AFAP1: variants seen among roughly 807,000 people sequenced by gnomAD.
The protein encoded by AFAP1 is actin filament-associated protein 1.
In AFAP1, 75 loss-of-function variants were observed where a neutral mutation model predicts 93.9. That is an observed-to-expected ratio of 0.80 (90% CI 0.66 to 0.97). The LOEUF (loss-of-function observed/expected upper bound fraction) is 0.97. AFAP1 is among the 50% of genes least tolerant of loss of function. The pLI, the probability that AFAP1 is intolerant of heterozygous loss-of-function variation, is 0.00. For synonymous variants in AFAP1, 517 were observed against 430.7 expected (o/e 1.20, Z -2.48); for missense variants, 1,201 against 1,050.8 (o/e 1.14, Z -1.98).
chr4:7,769,467 C>T lies in AFAP1; in HGVS notation c.2254-459G>A, dbSNP rs778292211. On this transcript the variant is annotated intron_variant, in intron 16 of 17. Transcript: ENST00000420658. ...GCTAACGGGATGCAGCCCCACTGCG[C>T]GGGGCTCGCTGGAGAAAAGCAGGCT... is the stretch of plus-strand genomic sequence containing the variant. 5.9e-5 allele frequency among the ~76,000 whole-genome samples: 9 copies of T among 152,208 alleles called. No homozygotes were observed. In the East Asian group the frequency reaches 7.7e-4, roughly 13 times the overall value.
In AFAP1 at chr4:7,778,425, C is replaced by T. The variant is rs116436993; in HGVS notation, c.1897+337G>A. On this transcript the variant is annotated intron_variant, in intron 14 of 17. Transcript: ENST00000420658. ...TAGAGTCTGCAAGGCTTGACAACCA[C>T]AGATCAGGGACAGGAGCTGAGGTCT... is the stretch of plus-strand genomic sequence containing the variant. 708 of 395,892 alleles carry T rather than the reference C, an allele frequency of 1.8e-3. 5 individuals carry two copies. The highest frequency in any genetic ancestry group is 0.014 in the African/African-American group (655 of 48,502). 24.5% of individuals were successfully genotyped at this position (395,892 alleles called of 1,614,324 possible). A position where few individuals can be genotyped will look rare whatever the true frequency, so the allele number is the denominator to read the frequency against.
At chr4:7,926,558 G>A (rs192575861) in intron 1 of AFAP1, among the ~76,000 whole-genome samples, 20 of 152,288 alleles carry the variant, frequency 1.3e-4, no homozygotes, top group Non-Finnish European at 1.3e-4. Context: ...CCAAGGAGGA[G>A]AGAAGCAAAT....
At position 7,773,208 on chromosome 4, in the gene AFAP1, C is replaced by T. The variant is rs1026257216; in HGVS notation, c.2063-198G>A. On this transcript the variant is annotated intron_variant, in intron 15 of 17. Coordinates refer to ENST00000420658, the MANE Select transcript of AFAP1 (RefSeq NM_001134647.2). Reference sequence around the variant, plus strand: ...CTTCTCCTACCATTTCCCTTTGCTGCAGCCGTTGAGGACTCGGACCAGGAA... The same window carrying T: ...CTTCTCCTACCATTTCCCTTTGCTGTAGCCGTTGAGGACTCGGACCAGGAA... The T allele has an allele frequency of 5.9e-6, 5 of 850,944 alleles. No homozygotes were observed. In the African/African-American group the frequency reaches 8.6e-5, roughly 15 times the overall value. 52.7% of individuals were successfully genotyped at this position (850,944 alleles called of 1,614,324 possible).
At chr4:7,775,193 G>C (rs1715974369) in intron 14 of AFAP1, 14 of 312,996 alleles carry the variant, frequency 4.5e-5, no homozygotes, top group African/African-American at 2.6e-4. Context: ...AAAGCCTGTT[G>C]AATCAGCCAA....
chr4:7,902,199 T>A (rs1719154885), intron 1 of AFAP1, among the ~76,000 whole-genome samples: 1 of 152,230 alleles, frequency 6.6e-6, no homozygotes, highest in East Asian at 1.9e-4. Context: ...CAGATAATAA[T>A]CAGTTCTCAG....
intron 9 of AFAP1, among the ~76,000 whole-genome samples, chr4:7,804,956 A>C (rs913029921): frequency 6.6e-6 from 1 of 151,614 alleles, no homozygotes; most frequent in Non-Finnish European, 1.5e-5. Context: ...CCTCCTTCCC[A>C]CTCTTCGCAG....
At chr4:7,782,978 C>T (rs1297890213) in intron 12 of AFAP1, among the ~76,000 whole-genome samples, 2 of 152,142 alleles carry the variant, frequency 1.3e-5, no homozygotes, top group African/African-American at 4.8e-5. Context: ...GATTAAGTCA[C>T]ACGGAAGACT....
intron 10 of AFAP1, among the ~76,000 whole-genome samples, chr4:7,799,854 T>G (rs4689866): frequency 2.1e-4 from 32 of 152,104 alleles, no homozygotes; most frequent in African/African-American, 6.0e-4. Flanking sequence ...GAAATTCTAG[T>G]GAAGCAGCCA....
chr4:7,812,138 C>T lies in AFAP1; in HGVS notation c.905-2375G>A, dbSNP rs542370621. Among the ~76,000 whole-genome samples the T allele has an allele frequency of 2.0e-5, 3 of 152,296 alleles. No homozygotes were observed. In the East Asian group the frequency reaches 5.8e-4, roughly 29 times the overall value. ...GAGGGACAGCAACAGCGGACGGCCC[C>T]TCCCAGCTGTTTCTGAAGACCCAGA... On this transcript the variant is annotated intron_variant, in intron 8 of 17. Coordinates refer to ENST00000420658, the MANE Select transcript of AFAP1 (RefSeq NM_001134647.2).
At chr4:7,877,530 A>T (rs1166611786) in intron 1 of AFAP1, among the ~76,000 whole-genome samples, 1 of 152,176 alleles carries the variant, frequency 6.6e-6, no homozygotes, top group East Asian at 1.9e-4. Flanking sequence ...ACGTACTGTT[A>T]TTATCCCCGT....
intron 1 of AFAP1, among the ~76,000 whole-genome samples, chr4:7,938,255 T>C (rs976125845): frequency 1.3e-5 from 2 of 152,128 alleles, no homozygotes; most frequent in Admixed American, 6.5e-5. Flanking sequence ...CTGCGGTAAT[T>C]AGCTCAGTTT....
At chr4:7,935,212 G>C (rs1459518404) in intron 1 of AFAP1, among the ~76,000 whole-genome samples, 2 of 151,954 alleles carry the variant, frequency 1.3e-5, no homozygotes, top group Non-Finnish European at 2.9e-5. Flanking sequence ...TTACATTCAT[G>C]ATTTCATTTG....
intron 1 of AFAP1, among the ~76,000 whole-genome samples, chr4:7,890,426 C>CA (rs1718396843): frequency 6.6e-6 from 1 of 152,028 alleles, no homozygotes; most frequent in Non-Finnish European, 1.5e-5. Flanking sequence ...TAAGACGTCT[C>CA]AATGAAAACA....
rs556274565 is a variant in AFAP1 at position 7,770,534 on chromosome 4, G to A, written c.2254-1526C>T. 2.0e-3 allele frequency among the ~76,000 whole-genome samples: 310 copies of A among 152,306 alleles called. 2 individuals are homozygous for A. The highest frequency in any genetic ancestry group is 1.3e-3 in the Non-Finnish European group (89 of 68,008). ...TCACCCTGGAAGGAAAGGCAAGAAC[G>A]CAGGGCAAGGGGACAGTCACCAGGG... On this transcript the variant is annotated intron_variant, in intron 16 of 17. Transcript: ENST00000420658.
chr4:7,939,554 G>C lies in AFAP1; in HGVS notation c.-3+102C>G, dbSNP rs1218648189. 1.1e-5 allele frequency: 4 copies of C among 372,740 alleles called. No individual in the cohort carries two copies. Among genetic ancestry groups the C allele is most frequent in the South Asian group, 5.5e-5 (3 of 54,338 alleles). 23.1% of individuals were successfully genotyped at this position (372,740 alleles called of 1,614,324 possible). On this transcript the variant is annotated intron_variant, in intron 1 of 17. Transcript: ENST00000420658. The surrounding 1 kb of genome is among the most constrained non-coding windows in gnomAD (Gnocchi z 5.6). Reference sequence around the variant, plus strand: ...CCCGAGGCCGAGACAAAGCCCAGGCGCACGGACCCCGGACCCTGCGGAGCC... The same window carrying C: ...CCCGAGGCCGAGACAAAGCCCAGGCCCACGGACCCCGGACCCTGCGGAGCC...
chr4:7,920,328 C>T (rs1174027087), intron 1 of AFAP1, among the ~76,000 whole-genome samples: 1 of 152,138 alleles, frequency 6.6e-6, no homozygotes, highest in Non-Finnish European at 1.5e-5. Context: ...TTTATATACA[C>T]ACACAATTCA....
chr4:7,899,675 G>A (rs778643773), intron 1 of AFAP1, among the ~76,000 whole-genome samples: 2 of 152,150 alleles, frequency 1.3e-5, no homozygotes, highest in Non-Finnish European at 2.9e-5. Flanking sequence ...TGTTAATTGT[G>A]AAGGTGGCTC....
In AFAP1 at chr4:7,846,541, C is replaced by T. The variant is rs191559186; in HGVS notation, c.335-3191G>A. Among the ~76,000 whole-genome samples, 75 of 152,222 alleles carry T rather than the reference C, an allele frequency of 4.9e-4. 1 individual carries two copies. The East Asian group carries it at 0.011, about 23-fold the overall frequency. ...GGAGGACCACACAGCCCTCAGGGCT[C>T]GGCCCACTTGCTGGAACATCAAGTT... is the stretch of plus-strand genomic sequence containing the variant. On this transcript the variant is annotated intron_variant, in intron 4 of 17. Coordinates refer to ENST00000420658, the MANE Select transcript of AFAP1 (RefSeq NM_001134647.2).
At chr4:7,815,859 G>A (rs1307882007) in intron 8 of AFAP1, among the ~76,000 whole-genome samples, 159 bp downstream of exon 8, 1 of 152,194 alleles carries the variant, frequency 6.6e-6, no homozygotes, top group South Asian at 2.1e-4. Flanking sequence ...AGGGTTTTCC[G>A]GCACTCCCAT....
Sources: gnomAD v4.1 joint callset for allele counts (sites outside exome capture counted in the v4.1 genomes callset) on GRCh38, gnomAD v4.1.1 for gene constraint, Gnocchi (gnomAD v3.1) non-coding constraint, MANE v1.5 for transcripts, NCBI Gene and HGNC (gene_info 2026-07-23, HGNC 2026-07-21) for gene names.